The following MST1R variants were observed in gnomAD, a reference collection of about 807,000 sequenced individuals.
MST1R encodes the protein macrophage-stimulating protein receptor.
MST1R carries 99 observed loss-of-function variants against 117.8 expected under a neutral mutation model. That is an observed-to-expected ratio of 0.84 (90% CI 0.71 to 0.99). The LOEUF (loss-of-function observed/expected upper bound fraction) is 0.99, where lower values mean the gene tolerates loss of function less well. MST1R is among the 50% of genes least tolerant of loss of function. The pLI, the probability that MST1R is intolerant of heterozygous loss-of-function variation, is 0.00. For synonymous variants in MST1R, 734 were observed against 765.3 expected (o/e 0.96, Z 0.68); for missense variants, 1,683 against 1,840.2 (o/e 0.91, Z 1.56).
intron 1 of MST1R, among the ~76,000 whole-genome samples, chr3:49,901,539 GC>G (rs764871092): frequency 3.3e-5 from 5 of 152,052 alleles, no homozygotes; most frequent in Non-Finnish European, 7.4e-5. Flanking sequence ...CCCTTCCTAG[GC>G]CTTTACTTAT....
intron 10 of MST1R, 26 bp from the exon 11 acceptor site, chr3:49,896,133 C>A: frequency 6.2e-7 from 1 of 1,614,164 alleles, no homozygotes; most frequent in Non-Finnish European, 8.5e-7. Context: ...TGAGGACCAG[C>A]CAGTAGGCTG....
chr3:49,887,241 G>A lies in MST1R; in HGVS notation c.*66C>T. 1 of 1,587,624 alleles carries A rather than the reference G, an allele frequency of 6.3e-7. No individual in the cohort carries two copies. Among genetic ancestry groups the A allele is most frequent in the Middle Eastern group, 2.0e-4 (1 of 4,932 alleles). On this transcript the variant is annotated 3_prime_UTR_variant, in exon 20 of 20. Transcript: ENST00000296474. Reference sequence around the variant, plus strand: ...GTGGAGGGCCACTGCCCTCTGGCCTGGCATGGCCCAGAGGCAGCTTGGGGT... The same window carrying A: ...GTGGAGGGCCACTGCCCTCTGGCCTAGCATGGCCCAGAGGCAGCTTGGGGT...
chr3:49,896,715 G>A lies in MST1R; in HGVS notation c.2345+14C>T. ...TTCCCCAGAGGCCAGAGTGGGCAAA[G>A]AGGCAGTGCTTACATGTAGCCACAG... is the stretch of plus-strand genomic sequence containing the variant. On this transcript the variant is annotated intron_variant, in intron 8 of 19. Transcript: ENST00000296474. The A allele has an allele frequency of 6.2e-7, 1 of 1,603,138 alleles. No individual in the cohort carries two copies. Among genetic ancestry groups the A allele is most frequent in the Non-Finnish European group, 8.5e-7 (1 of 1,174,288 alleles).
rs2108440699 is a variant in MST1R at position 49,896,026 on chromosome 3, C to T, written c.2731G>A (p.Gly911Arg). ...GGESCQHEFR[G>R]DMVVCPLPPS... ...GGCAGGGGGCAGACAACCATGTCCC[C>T]CCGGAACTCGTGCTGGCAGCTCTCA... The change falls in exon 11 of 20, where the codon GGG (glycine) becomes AGG (arginine). Residue 911 changes from glycine (G) to arginine (R), a missense_variant. By Grantham distance (125) the Gly-to-Arg change is moderately radical. Coordinates refer to ENST00000296474, the MANE Select transcript of MST1R (RefSeq NM_002447.4). The T allele has an allele frequency of 6.2e-7, 1 of 1,605,238 alleles. No homozygotes were observed. Among genetic ancestry groups the T allele is most frequent in the Non-Finnish European group, 8.5e-7 (1 of 1,175,716 alleles).
intron 14 of MST1R, among the ~76,000 whole-genome samples, chr3:49,894,596 C>G (rs1575433471): frequency 6.6e-6 from 1 of 152,146 alleles, no homozygotes; most frequent in Non-Finnish European, 1.5e-5. Flanking sequence ...ATAAATAAAA[C>G]CAAAAACAAA....
Position 49,887,164 on chromosome 3 carries a change from C to T in MST1R, c.*143G>A, listed in dbSNP as rs986197205. On this transcript the variant is annotated 3_prime_UTR_variant, in exon 20 of 20. Coordinates refer to ENST00000296474, the MANE Select transcript of MST1R (RefSeq NM_002447.4). ...TGGCTCACTCTGTGGAGTGAGGGACCTAATGGGCCCCATTTACCTATTGCC... is the reference window on the plus strand; with the variant it reads ...TGGCTCACTCTGTGGAGTGAGGGACTTAATGGGCCCCATTTACCTATTGCC... 8.7e-7 allele frequency: 1 copy of T among 1,155,718 alleles called. No individual in the cohort carries two copies. The highest frequency in any genetic ancestry group is 1.2e-6 in the Non-Finnish European group (1 of 807,704). The allele number at this position is 1,155,718 out of a possible 1,614,324, so 71.6% of individuals were successfully genotyped here.
intron 14 of MST1R, 115 bp from the exon 15 acceptor site, chr3:49,891,953 T>C: frequency 1.4e-6 from 1 of 735,026 alleles, no homozygotes; most frequent in Non-Finnish European, 2.3e-6. Flanking sequence ...TCTGACATTT[T>C]ATTTATTTTT....
rs758840445 is a variant in MST1R, at chr3:49,898,071, G to C, written c.1860C>G (p.Pro620=). 3 of 1,614,120 alleles carry C rather than the reference G, an allele frequency of 1.9e-6. No homozygotes were observed. The highest frequency in any genetic ancestry group is 2.5e-6 in the Non-Finnish European group (3 of 1,180,030). Reference sequence around the variant, plus strand: ...TGTACCTGAGTTTTGAGCTGTCCTTGGGCAGTGGCCGGCAGGGACTTTGGC... The same window carrying C: ...TGTACCTGAGTTTTGAGCTGTCCTTCGGCAGTGGCCGGCAGGGACTTTGGC... ...TVGQSPCRPL[P]KDSSKLRPVP... The change falls in exon 5 of 20, where the codon CCC becomes CCG. Residue 620 remains proline (P), a synonymous_variant. Coordinates refer to ENST00000296474, the MANE Select transcript of MST1R (RefSeq NM_002447.4).
chr3:49,890,423 G>T, intron 18 of MST1R, 62 bp downstream of exon 18: 1 of 1,538,574 alleles, frequency 6.5e-7, no homozygotes, highest in East Asian at 2.3e-5. Flanking sequence ...GAGCTGAATG[G>T]GTGAGGCCCA....
Position 49,887,193 on chromosome 3 carries a change from G to C in MST1R, c.*114C>G. The C allele has an allele frequency of 6.9e-7, 1 of 1,459,406 alleles. No individual in the cohort carries two copies. The highest frequency in any genetic ancestry group is 1.4e-5 in the African/African-American group (1 of 71,102). 90.4% of individuals were successfully genotyped at this position (1,459,406 alleles called of 1,614,324 possible). A position where few individuals can be genotyped will look rare whatever the true frequency, so the allele number is the denominator to read the frequency against. ...TGGGCCCCATTTACCTATTGCCTCT[G>C]AAAGTTAAAGGGCAGGAACAAGGTG... is the stretch of plus-strand genomic sequence containing the variant. On this transcript the variant is annotated 3_prime_UTR_variant, in exon 20 of 20. Coordinates refer to ENST00000296474, the MANE Select transcript of MST1R (RefSeq NM_002447.4).
At position 49,895,987 on chromosome 3, in the gene MST1R, G is replaced by A. The variant is rs149584908; in HGVS notation, c.2770C>T (p.Leu924Phe). The A allele has an allele frequency of 7.1e-5, 112 of 1,582,282 alleles. No homozygotes were observed. Among genetic ancestry groups the A allele is most frequent in the Non-Finnish European group, 9.5e-5 (110 of 1,163,954 alleles). Reference protein sequence around the residue: ...VVCPLPPSLQLGQDGAPLQVC... With the variant: ...VVCPLPPSLQFGQDGAPLQVC... Reference sequence around the variant, plus strand: ...TGCAATGGGGCACCATCCTGGCCAAGCTGCAGGGATGGGGGCAGGGGGCAG... The same window carrying A: ...TGCAATGGGGCACCATCCTGGCCAAACTGCAGGGATGGGGGCAGGGGGCAG... The change falls in exon 11 of 20, where the codon CTT becomes TTT. Residue 924 changes from leucine to phenylalanine, a missense_variant. Coordinates refer to ENST00000296474, the MANE Select transcript of MST1R (RefSeq NM_002447.4).
chr3:49,898,913 TC>T lies in MST1R; in HGVS notation c.1501del (p.Asp501MetfsTer31). On this transcript the variant is annotated frameshift_variant, in exon 3 of 20. Coordinates refer to ENST00000296474, the MANE Select transcript of MST1R (RefSeq NM_002447.4). LOFTEE classifies it high-confidence loss of function. ...LGDSGQPVQR[D>X]VSRLGDHLLF... ...TAGGTGGTCCCCAAGACGACTGACA[TC>T]CCGCTGCACGGGCTGCCCACTGTCA... The T allele has an allele frequency of 1.2e-6, 2 of 1,614,120 alleles. No homozygotes were observed. The highest frequency in any genetic ancestry group is 2.2e-5 in the South Asian group (2 of 91,082).
chr3:49,889,259 G>A (rs2082245195), intron 19 of MST1R, among the ~76,000 whole-genome samples: 1 of 152,210 alleles, frequency 6.6e-6, no homozygotes, highest in Admixed American at 6.5e-5. Flanking sequence ...TGGGTAGGCA[G>A]TGAATTAAAG....
chr3:49,896,294 A>G lies in MST1R; in HGVS notation c.2550T>C (p.Ala850=). 6.2e-7 allele frequency: 1 copy of G among 1,614,164 alleles called. No homozygotes were observed. Among genetic ancestry groups the G allele is most frequent in the Non-Finnish European group, 8.5e-7 (1 of 1,180,020 alleles). ...AGCGAAAGCCAGGCAGTGTAAAGCC[A>G]GCAGCTCCATCCCCTCGGGCACTCA... is the stretch of plus-strand genomic sequence containing the variant. ...GNLSARGDGA[A]GFTLPGFRFL... Residue 850 remains alanine (A), a synonymous_variant, in exon 10 of 20, where the codon GCT becomes GCC. Transcript: ENST00000296474.
rs1421413781 is a variant in MST1R at position 49,891,227 on chromosome 3, A to G, written c.3614T>C (p.Val1205Ala). 1 of 1,613,998 alleles carries G rather than the reference A, an allele frequency of 6.2e-7. No individual in the cohort carries two copies. Among genetic ancestry groups the G allele is most frequent in the African/African-American group, 1.3e-5 (1 of 75,012 alleles). Reference protein sequence around the residue: ...GMEYLAEQKFVHRDLAARNCM... With the variant: ...GMEYLAEQKFAHRDLAARNCM... ...GTTCCGCGCAGCCAGGTCCCTGTGC[A>G]CAAACTTCTGCTCTGCCAGGTACTC... The change falls in exon 17 of 20, where the codon GTG (valine) becomes GCG (alanine). Residue 1205 changes from valine to alanine, a missense_variant. Coordinates refer to ENST00000296474, the MANE Select transcript of MST1R (RefSeq NM_002447.4).
Position 49,902,958 on chromosome 3 carries a change from T to G in MST1R, c.652A>C (p.Ile218Leu), listed in dbSNP as rs767387553. The change falls in exon 1 of 20, where the codon ATC becomes CTC. Residue 218 changes from isoleucine (I) to leucine (L), a missense_variant. Ile to Leu is a conservative substitution (Grantham distance 5). Transcript: ENST00000296474. ...GAGGCGTCAGCCTTGAGACGCCTGA[T>G]AGACACTGAGCGTGGGCTGAAGCTG... ...AASFSPRSVS[I>L]RRLKADASGF... 1 of 1,613,300 alleles carries G rather than the reference T, an allele frequency of 6.2e-7. No individual in the cohort carries two copies. Among genetic ancestry groups the G allele is most frequent in the South Asian group, 1.1e-5 (1 of 91,088 alleles).
chr3:49,887,495 C>T lies in MST1R; in HGVS notation c.4015G>A (p.Gly1339Arg). 1.9e-6 allele frequency: 3 copies of T among 1,614,222 alleles called. No homozygotes were observed. The highest frequency in any genetic ancestry group is 2.5e-6 in the Non-Finnish European group (3 of 1,180,020). The change falls in exon 20 of 20, where the codon GGG becomes AGG. Residue 1339 changes from glycine to arginine, a missense_variant. By Grantham distance (125) the Gly-to-Arg change is moderately radical. Coordinates refer to ENST00000296474, the MANE Select transcript of MST1R (RefSeq NM_002447.4). ...GCAGACACTATCTGCTCCACCTCCC[C>T]CACTAGTACTCTGAAGGTGGGTCGC... is the stretch of plus-strand genomic sequence containing the variant. ...AVRPTFRVLV[G>R]EVEQIVSALL...
In MST1R at chr3:49,887,484, C is replaced by T. The variant is rs142449796; in HGVS notation, c.4026G>A (p.Glu1342=). The T allele has an allele frequency of 6.8e-6, 11 of 1,614,104 alleles. No homozygotes were observed. The highest frequency in any genetic ancestry group is 9.3e-6 in the Non-Finnish European group (11 of 1,180,044). Residue 1342 remains glutamate (E), a synonymous_variant, in exon 20 of 20, where the codon GAG becomes GAA. Transcript: ENST00000296474. ...PTFRVLVGEV[E]QIVSALLGDH... is the part of the protein sequence containing the mutation. ...CCCCAAGCAGTGCAGACACTATCTG[C>T]TCCACCTCCCCCACTAGTACTCTGA... is the stretch of plus-strand genomic sequence containing the variant.
intron 4 of MST1R, 152 bp downstream of exon 4, chr3:49,898,366 T>C: frequency 7.5e-7 from 1 of 1,340,800 alleles, no homozygotes; most frequent in South Asian, 1.4e-5. Flanking sequence ...TCCAAGTCTT[T>C]GCATGTGGCA....
Sources: allele counts gnomAD v4.1 joint callset (sites outside exome capture counted in the v4.1 genomes callset), GRCh38; gene constraint gnomAD v4.1.1; transcripts MANE v1.5; gene names NCBI Gene and HGNC (gene_info 2026-07-23, HGNC 2026-07-21).